Variants in VMP1 observed in about 807,000 individuals in gnomAD.
VMP1 encodes ectopic P-granules autophagy protein 3 homolog.
In VMP1, 11 loss-of-function variants were observed where a neutral mutation model predicts 56.0. The ratio of observed to expected loss-of-function variants is 0.20; its 90% CI spans 0.12 to 0.32. The LOEUF is 0.32. Among genes scored for constraint, VMP1 ranks in the 10% least tolerant of loss-of-function variants. The probability of loss-of-function intolerance (pLI) is 1.00; values close to 1 mark genes in which losing one functional copy is unlikely to be tolerated. For missense variants in VMP1, 296 were observed against 490.3 expected (o/e 0.60, Z 3.74); for synonymous variants, 149 against 165.0 (o/e 0.90, Z 0.74).
At position 59,841,648 on chromosome 17, in the gene VMP1, C is replaced by G. The variant is rs558467512; in HGVS notation, c.*1737C>G. On this transcript the variant is annotated 3_prime_UTR_variant, in exon 12 of 12. Coordinates refer to ENST00000262291, the MANE Select transcript of VMP1 (RefSeq NM_030938.5). ...CTTGACCTTCTTTGAAAAGCATTCCCAAAATGCTCTATTTTAGATAGATTA... is the reference window on the plus strand; with the variant it reads ...CTTGACCTTCTTTGAAAAGCATTCCGAAAATGCTCTATTTTAGATAGATTA... 8.4e-4 allele frequency: 134 copies of G among 159,924 alleles called. 5 individuals are homozygous for G. In the South Asian group the frequency reaches 0.021, roughly 25 times the overall value. 9.9% of individuals were successfully genotyped at this position (159,924 alleles called of 1,614,324 possible). A position where few individuals can be genotyped will look rare whatever the true frequency, so the allele number is the denominator to read the frequency against.
intron 7 of VMP1, among the ~76,000 whole-genome samples, chr17:59,775,254 T>G (rs2036580280): frequency 6.6e-6 from 1 of 151,654 alleles, no homozygotes; most frequent in African/African-American, 2.4e-5. Context: ...TACAAAAAAT[T>G]TTTTAAAAAG....
At chr17:59,748,206 A>C (rs998184764) in intron 5 of VMP1, among the ~76,000 whole-genome samples, 4 of 151,982 alleles carry the variant, frequency 2.6e-5, no homozygotes, top group Admixed American at 6.6e-5. Context: ...AAAAAAAAAA[A>C]AAAAAAAAAA....
At chr17:59,832,907 G>A (rs925990872) in intron 10 of VMP1, among the ~76,000 whole-genome samples, 3 of 151,616 alleles carry the variant, frequency 2.0e-5, no homozygotes, top group South Asian at 2.1e-4. Context: ...CACCATGCCC[G>A]GCCGAAATGG....
intron 7 of VMP1, among the ~76,000 whole-genome samples, chr17:59,780,560 G>A (rs899499386): frequency 1.1e-4 from 16 of 152,040 alleles, no homozygotes; most frequent in African/African-American, 3.4e-4. Flanking sequence ...TGGATTTTTC[G>A]TGTTGTTTGT....
rs762816957 is a variant in VMP1 at position 59,811,785 on chromosome 17, A to G, written c.911A>G (p.Gln304Arg). The change falls in exon 9 of 12, where the codon CAG (glutamine) becomes CGG (arginine). Residue 304 changes from glutamine to arginine, a missense_variant and splice_region_variant. Physicochemically the swap from Gln to Arg is conservative, Grantham distance 43. Coordinates refer to ENST00000262291, the MANE Select transcript of VMP1 (RefSeq NM_030938.5). ...AAAGCAATAATAAAAATGCATATCC[A>G]GGTAATTATACCCCCTGATTCACTG... is the stretch of plus-strand genomic sequence containing the variant. ...IGKAIIKMHI[Q>R]KIFVIITFSK... 6.3e-7 allele frequency: 1 copy of G among 1,587,972 alleles called. No individual in the cohort carries two copies. Among genetic ancestry groups the G allele is most frequent in the Non-Finnish European group, 8.6e-7 (1 of 1,156,356 alleles).
intron 6 of VMP1, among the ~76,000 whole-genome samples, chr17:59,772,772 A>C (rs1473358853): frequency 6.6e-6 from 1 of 151,834 alleles, no homozygotes; most frequent in African/African-American, 2.4e-5. Context: ...TCATCTCAAA[A>C]AAAAAAAGAA....
At chr17:59,712,790 T>C (rs1206629094) in intron 1 of VMP1, among the ~76,000 whole-genome samples, 1 of 152,156 alleles carries the variant, frequency 6.6e-6, no homozygotes, top group Non-Finnish European at 1.5e-5. Flanking sequence ...CAGTAGGAAA[T>C]CATTCTACAA....
At chr17:59,751,706 T>C (rs1225904695) in intron 5 of VMP1, among the ~76,000 whole-genome samples, 2 of 133,118 alleles carry the variant, frequency 1.5e-5, no homozygotes, top group Non-Finnish European at 3.1e-5. Flanking sequence ...ATTGCGCCAT[T>C]GCACTCCAGC....
intron 7 of VMP1, among the ~76,000 whole-genome samples, chr17:59,789,176 G>C (rs545131932): frequency 6.3e-5 from 9 of 143,742 alleles, no homozygotes; most frequent in African/African-American, 2.3e-4. Context: ...TGTAGTCCCA[G>C]CTACTCTGGA....
At chr17:59,717,327 T>C (rs964410083) in intron 1 of VMP1, among the ~76,000 whole-genome samples, 2 of 152,202 alleles carry the variant, frequency 1.3e-5, no homozygotes, top group Non-Finnish European at 2.9e-5. Context: ...TATGAAAAAC[T>C]GCAGGAACAT....
intron 7 of VMP1, among the ~76,000 whole-genome samples, chr17:59,797,222 G>A (rs562249648): frequency 1.3e-5 from 2 of 148,950 alleles, no homozygotes; most frequent in South Asian, 2.1e-4. Flanking sequence ...CCTGTAGTCC[G>A]AGCTACTGGG....
rs557946585 is a variant in VMP1 at position 59,751,724 on chromosome 17, A to G, written c.414+12777A>G. On this transcript the variant is annotated intron_variant, in intron 5 of 11. Coordinates refer to ENST00000262291, the MANE Select transcript of VMP1 (RefSeq NM_030938.5). ...GCGCCATTGCACTCCAGCCTGGGCA[A>G]CAAGAGCAAAACTCCGTCTCAAAAA... 6.1e-5 allele frequency among the ~76,000 whole-genome samples: 9 copies of G among 147,390 alleles called. No individual in the cohort carries two copies. In the East Asian group the frequency reaches 1.6e-3, roughly 27 times the overall value.
intron 6 of VMP1, among the ~76,000 whole-genome samples, chr17:59,766,928 C>T (rs552173785): frequency 7.2e-5 from 11 of 152,084 alleles, no homozygotes; most frequent in East Asian, 1.9e-4. Context: ...TACAGGCACC[C>T]GCCACCACGC....
At chr17:59,810,638 C>CATTT (rs2038025494) in intron 8 of VMP1, among the ~76,000 whole-genome samples, 1 of 152,076 alleles carries the variant, frequency 6.6e-6, no homozygotes. Context: ...AATCCTAAAG[C>CATTT]ATTTGAATTT....
intron 7 of VMP1, among the ~76,000 whole-genome samples, chr17:59,794,995 CTTT>C (rs59397471): frequency 2.5e-5 from 3 of 121,220 alleles, no homozygotes; most frequent in Admixed American, 9.4e-5. Flanking sequence ...CAGATTTGAT[CTTT>C]TTTTTTTTTT....
At chr17:59,813,974 A>ATGATTGAT (rs3065089) in intron 9 of VMP1, among the ~76,000 whole-genome samples, 130,361 of 151,034 alleles carry the variant, frequency 0.86, 56,459 homozygotes, top group East Asian at 0.94. Context: ...TCAATTTATG[A>ATGATTGAT]TGATTGATTG....
At chr17:59,793,225 C>T (rs1182731966) in intron 7 of VMP1, among the ~76,000 whole-genome samples, 3 of 112,404 alleles carry the variant, frequency 2.7e-5, no homozygotes, top group African/African-American at 7.9e-5. Flanking sequence ...TCCATGTTGG[C>T]CAGGCTGGTC....
intron 7 of VMP1, among the ~76,000 whole-genome samples, chr17:59,788,460 C>G (rs564116752): frequency 2.9e-4 from 43 of 150,754 alleles, no homozygotes; most frequent in Non-Finnish European, 4.9e-4. Flanking sequence ...GCACTCCAGC[C>G]TGGGTGATGG....
At chr17:59,716,936 A>G (rs1415325190) in intron 1 of VMP1, among the ~76,000 whole-genome samples, 1 of 152,068 alleles carries the variant, frequency 6.6e-6, no homozygotes, top group Non-Finnish European at 1.5e-5. Context: ...GTATTCCTTC[A>G]TTATCTTAAT....
Sources: gnomAD v4.1 joint callset for allele counts (sites outside exome capture counted in the v4.1 genomes callset) on GRCh38, gnomAD v4.1.1 for gene constraint, MANE v1.5 for transcripts, NCBI Gene and HGNC (gene_info 2026-07-23, HGNC 2026-07-21) for gene names.